ANKS3: variants seen among roughly 807,000 people sequenced by gnomAD.
ANKS3 encodes the protein ankyrin repeat and SAM domain-containing protein 3.
A neutral mutation model predicts 80.7 loss-of-function variants in ANKS3; 62 were observed. That is an observed-to-expected ratio of 0.77 (90% CI 0.63 to 0.95). The LOEUF (loss-of-function observed/expected upper bound fraction) is 0.95. Ranked by LOEUF, ANKS3 falls within the 40% of genes least tolerant of loss-of-function variation. The pLI is 0.00. For synonymous variants in ANKS3, 489 were observed against 355.3 expected (o/e 1.38, Z -4.23); for missense variants, 1,150 against 883.6 (o/e 1.30, Z -3.82).
chr16:4,710,006 G>C (rs916707439), intron 7 of ANKS3, among the ~76,000 whole-genome samples: 1 of 152,098 alleles, frequency 6.6e-6, no homozygotes, highest in Non-Finnish European at 1.5e-5. Flanking sequence ...GCGAGAACCT[G>C]TCTCAAAAAC....
rs1238831967 is a variant in ANKS3, at chr16:4,709,904, G to A, written c.709+4147C>T. On this transcript the variant is annotated intron_variant, in intron 7 of 17. Transcript: ENST00000304283. ...TAGGTGCCTGTAGTGCCAGCTACTC[G>A]GGAGGCTGAGATAGGAGGATCACTT... Among the ~76,000 whole-genome samples the A allele has an allele frequency of 4.6e-5, 7 of 152,104 alleles. 1 individual carries two copies. In the East Asian group the frequency reaches 9.6e-4, roughly 21 times the overall value.
At chr16:4,707,215 G>C (rs573245443) in intron 7 of ANKS3, among the ~76,000 whole-genome samples, 1 of 152,102 alleles carries the variant, frequency 6.6e-6, no homozygotes, top group African/African-American at 2.4e-5. Flanking sequence ...AAAAGAGCCA[G>C]GGCTGCAATC....
rs1434849924 is a variant in ANKS3 at position 4,697,373 on chromosome 16, G to A, written c.1854C>T (p.Pro618=). ...WQASLQAMSL[P]ELSGALEDRV... is the part of the protein sequence containing the mutation. ...GGTCCTCCAGGGCTCCCGAGAGCTCGGGGAGGCTCATGGCCTGCAGGGACG... is the reference window on the plus strand; with the variant it reads ...GGTCCTCCAGGGCTCCCGAGAGCTCAGGGAGGCTCATGGCCTGCAGGGACG... The change falls in exon 16 of 18, where the codon CCC becomes CCT. Residue 618 remains proline, a synonymous_variant. Coordinates refer to ENST00000304283, the MANE Select transcript of ANKS3 (RefSeq NM_133450.4). 44 of 1,610,324 alleles carry A rather than the reference G, an allele frequency of 2.7e-5. No homozygotes were observed. Among genetic ancestry groups the A allele is most frequent in the Non-Finnish European group, 3.5e-5 (41 of 1,178,324 alleles).
chr16:4,706,919 G>A (rs1269419773), intron 7 of ANKS3, among the ~76,000 whole-genome samples: 1 of 152,226 alleles, frequency 6.6e-6, no homozygotes, highest in African/African-American at 2.4e-5. Context: ...ACTCAGGGCA[G>A]GCCAGCAAAG....
At position 4,699,192 on chromosome 16, in the gene ANKS3, G is replaced by GT; in HGVS notation, c.1285-17_1285-16insA. 3 of 1,613,590 alleles carry GT rather than the reference G, an allele frequency of 1.9e-6. No homozygotes were observed. The highest frequency in any genetic ancestry group is 2.5e-6 in the Non-Finnish European group (3 of 1,179,872). On this transcript the variant is annotated splice_polypyrimidine_tract_variant and intron_variant, in intron 11 of 17. Transcript: ENST00000304283. ...CGGCAAGGTCCTGGCAGGCACAGGGGACAGGTTGGGGGAGGTAGTGGCTGA... is the reference window on the plus strand; with the variant it reads ...CGGCAAGGTCCTGGCAGGCACAGGGGTACAGGTTGGGGGAGGTAGTGGCTGA...
rs1188223814 is a variant in ANKS3, at chr16:4,705,278, A to G, written c.710-25T>C. On this transcript the variant is annotated intron_variant, in intron 7 of 17. Transcript: ENST00000304283. ...TCTGTGATCAAACACCAAGATTAAG[A>G]TAGTGTGTTCAGTAATGGACTCATT... The G allele has an allele frequency of 1.9e-6, 3 of 1,612,526 alleles. No individual in the cohort carries two copies. The Admixed American group carries it at 5.0e-5, about 27-fold the overall frequency.
chr16:4,699,266 A>T (rs2079769007), intron 11 of ANKS3, 90 bp from the exon 12 acceptor site: 1 of 1,513,654 alleles, frequency 6.6e-7, no homozygotes, highest in Non-Finnish European at 8.9e-7. Context: ...CCACTTCCCC[A>T]GGCTCAGAAC....
intron 8 of ANKS3, among the ~76,000 whole-genome samples, chr16:4,704,442 T>TG (rs1396989513): frequency 6.6e-6 from 1 of 152,088 alleles, no homozygotes; most frequent in South Asian, 2.1e-4. Flanking sequence ...CACCTCCAGC[T>TG]GAGCTCTGGG....
At chr16:4,733,242 G>A (rs1040734316) in intron 1 of ANKS3, among the ~76,000 whole-genome samples, 2 of 138,776 alleles carry the variant, frequency 1.4e-5, no homozygotes, top group African/African-American at 5.3e-5. Flanking sequence ...GTATTTGACC[G>A]CACAACAGGG....
chr16:4,721,625 GATTTATTT>G (rs55661418), intron 6 of ANKS3, among the ~76,000 whole-genome samples: 64,062 of 145,280 alleles, frequency 0.44, 17,205 homozygotes, highest in East Asian at 0.64. Flanking sequence ...TTGATTTATT[GATTTATTT>G]ATTTATTTAT....
At chr16:4,718,741 C>G (rs75348446) in intron 6 of ANKS3, among the ~76,000 whole-genome samples, 3,877 of 152,298 alleles carry the variant, frequency 0.025, 68 homozygotes, top group Admixed American at 0.035. Context: ...TGCTGCCAGT[C>G]CTGCCCCATC....
At chr16:4,723,281 C>G (rs1291698006) in intron 6 of ANKS3, among the ~76,000 whole-genome samples, 1 of 152,196 alleles carries the variant, frequency 6.6e-6, no homozygotes, top group Non-Finnish European at 1.5e-5. Context: ...TTTATCACCC[C>G]AATCTTCCCA....
In ANKS3 at chr16:4,698,689, C is replaced by G; in HGVS notation, c.1552-90G>C. 4 of 1,524,722 alleles carry G rather than the reference C, an allele frequency of 2.6e-6. No individual in the cohort carries two copies. In the South Asian group the frequency reaches 5.0e-5, roughly 19 times the overall value. The allele number at this position is 1,524,722 out of a possible 1,614,324, so 94.4% of individuals were successfully genotyped here. On this transcript the variant is annotated intron_variant, in intron 13 of 17. Transcript: ENST00000304283. ...GGCCCTGTCCTGTGTGTGGGGCCCT[C>G]TCCCCACTGCATCCACCTGACCCCT...
intron 1 of ANKS3, among the ~76,000 whole-genome samples, chr16:4,732,028 AAAG>A (rs1310159766): frequency 6.6e-5 from 10 of 152,200 alleles, no homozygotes; most frequent in Non-Finnish European, 1.3e-4. Flanking sequence ...AGTTTCTATT[AAAG>A]AATGCTTCCA....
chr16:4,699,334 G>A (rs2079772603), intron 11 of ANKS3, 158 bp from the exon 12 acceptor site: 4 of 1,031,598 alleles, frequency 3.9e-6, no homozygotes, highest in South Asian at 1.6e-5. Context: ...GGTGGCTCAG[G>A]CAGGGCAGGA....
At chr16:4,702,975 C>A (rs2079998050) in intron 8 of ANKS3, among the ~76,000 whole-genome samples, 1 of 152,162 alleles carries the variant, frequency 6.6e-6, no homozygotes, top group Non-Finnish European at 1.5e-5. Context: ...TGCACTCCAG[C>A]CTGGGCTACA....
intron 16 of ANKS3, 21 bp downstream of exon 16, chr16:4,697,312 G>A (rs531946547): frequency 1.6e-5 from 26 of 1,586,648 alleles, no homozygotes; most frequent in Admixed American, 7.1e-5. Context: ...GCGCTCAGTC[G>A]TCTGGTCCCC....
At chr16:4,714,335 G>T (rs183804923) in intron 6 of ANKS3, 149 bp from the exon 7 acceptor site, 1 of 1,206,432 alleles carries the variant, frequency 8.3e-7, no homozygotes, top group Admixed American at 2.4e-5. Flanking sequence ...GAAAGAGGCA[G>T]GCTTGTCTGC....
chr16:4,712,087 C>T (rs1413078479), intron 7 of ANKS3, among the ~76,000 whole-genome samples: 1 of 151,990 alleles, frequency 6.6e-6, no homozygotes, highest in Non-Finnish European at 1.5e-5. Flanking sequence ...AAGTATAGAC[C>T]ACGCCGGGAG....
Sources: gnomAD v4.1 joint callset for allele counts (sites outside exome capture counted in the v4.1 genomes callset) on GRCh38, gnomAD v4.1.1 for gene constraint, MANE v1.5 for transcripts, NCBI Gene and HGNC (gene_info 2026-07-23, HGNC 2026-07-21) for gene names.